The following CAPZA1 variants were observed in gnomAD, a reference collection of about 807,000 sequenced individuals.
CAPZA1 encodes capping actin protein of muscle Z-line subunit alpha 1.
Under a neutral mutation model 40.8 loss-of-function variants are expected in CAPZA1, and 10 were observed. That is an observed-to-expected ratio of 0.25 (90% confidence interval 0.15 to 0.42). The LOEUF (loss-of-function observed/expected upper bound fraction) is 0.42, where lower values mean the gene tolerates loss of function less well. Ranked by LOEUF, CAPZA1 falls within the 10% of genes least tolerant of loss-of-function variation. CAPZA1 has a pLI of 1.00. For synonymous variants in CAPZA1, 98 were observed against 115.0 expected (o/e 0.85, Z 0.95); for missense variants, 277 against 353.8 (o/e 0.78, Z 1.74).
At chr1:112,629,983 T>C (rs1360006221) in intron 1 of CAPZA1, among the ~76,000 whole-genome samples, 1 of 152,210 alleles carries the variant, frequency 6.6e-6, no homozygotes, top group African/African-American at 2.4e-5. Context: ...GTTCTGTGCC[T>C]TATGTTATCT....
chr1:112,639,735 G>T (rs550585328), intron 1 of CAPZA1, among the ~76,000 whole-genome samples: 6 of 152,184 alleles, frequency 3.9e-5, no homozygotes, highest in African/African-American at 1.4e-4. Context: ...ATGTTGACAT[G>T]CTCCTTTTTT....
chr1:112,660,280 C>CTGAT (rs974370504), intron 7 of CAPZA1, among the ~76,000 whole-genome samples: 5 of 151,604 alleles, frequency 3.3e-5, no homozygotes, highest in South Asian at 2.1e-4. Flanking sequence ...GATTGATTGA[C>CTGAT]TGATTGATTG....
Position 112,671,607 on chromosome 1 carries a change from T to C in CAPZA1, c.*1475T>C, listed in dbSNP as rs1475928107. The C allele has an allele frequency of 6.6e-6, 1 of 152,648 alleles. No homozygotes were observed. The highest frequency in any genetic ancestry group is 1.5e-5 in the Non-Finnish European group (1 of 68,036). The allele number at this position is 152,648 out of a possible 1,614,324, so 9.5% of individuals were successfully genotyped here. The stretch of plus-strand genomic sequence containing the variant: ...TAGTCTAATAGAAATATACCTGTTT[T>C]GTTCTAAAATTGTCTGAGTCTCTCC... On this transcript the variant is annotated 3_prime_UTR_variant, in exon 10 of 10. Coordinates refer to ENST00000263168, the MANE Select transcript of CAPZA1 (RefSeq NM_006135.3).
intron 1 of CAPZA1, among the ~76,000 whole-genome samples, chr1:112,635,771 C>T (rs541242120): frequency 1.2e-4 from 18 of 152,236 alleles, no homozygotes; most frequent in African/African-American, 4.1e-4. Context: ...GTGGCTCACG[C>T]CTGTAATCCC....
intron 5 of CAPZA1, among the ~76,000 whole-genome samples, chr1:112,657,435 A>G (rs950000192): frequency 1.3e-5 from 2 of 151,992 alleles, no homozygotes; most frequent in African/African-American, 4.8e-5. Flanking sequence ...TTTAGTCTCC[A>G]TTCTACAGAA....
At chr1:112,630,077 C>G (rs774362782) in intron 1 of CAPZA1, among the ~76,000 whole-genome samples, 2 of 152,114 alleles carry the variant, frequency 1.3e-5, no homozygotes, top group Non-Finnish European at 2.9e-5. Context: ...GGGTCTCACT[C>G]TGTCACCAAG....
chr1:112,633,771 A>T (rs1670965965), intron 1 of CAPZA1, among the ~76,000 whole-genome samples: 1 of 152,094 alleles, frequency 6.6e-6, no homozygotes. Flanking sequence ...TGTCTTTTTG[A>T]TAATAGCCAT....
chr1:112,656,196 A>T (rs1288683270), intron 5 of CAPZA1, among the ~76,000 whole-genome samples: 2 of 152,184 alleles, frequency 1.3e-5, no homozygotes, highest in Non-Finnish European at 2.9e-5. Flanking sequence ...TTGAAGCCTT[A>T]CTAACTGGTT....
At position 112,669,872 on chromosome 1, in the gene CAPZA1, A is replaced by G; in HGVS notation, c.721-120A>G. 4.6e-6 allele frequency: 5 copies of G among 1,096,184 alleles called. No homozygotes were observed. In the South Asian group the frequency reaches 5.9e-5, roughly 13 times the overall value. The allele number at this position is 1,096,184 out of a possible 1,614,324, so 67.9% of individuals were successfully genotyped here. On this transcript the variant is annotated intron_variant, in intron 9 of 9. Coordinates refer to ENST00000263168, the MANE Select transcript of CAPZA1 (RefSeq NM_006135.3). Reference sequence around the variant, plus strand: ...ATTGGAGAGGAGCTCATTGAAAATAATATATCCTGTCTATCCTTCACAGGG... The same window carrying G: ...ATTGGAGAGGAGCTCATTGAAAATAGTATATCCTGTCTATCCTTCACAGGG...
At chr1:112,640,437 G>A (rs1239492612) in intron 1 of CAPZA1, among the ~76,000 whole-genome samples, 1 of 131,892 alleles carries the variant, frequency 7.6e-6, no homozygotes, top group African/African-American at 2.9e-5. Context: ...CGCCCCTACT[G>A]GGAAGTGAGG....
At chr1:112,665,354 A>G (rs951810090) in intron 7 of CAPZA1, among the ~76,000 whole-genome samples, 1 of 151,192 alleles carries the variant, frequency 6.6e-6, no homozygotes. Flanking sequence ...TTTTTTTTGT[A>G]TTTTTAGTAG....
chr1:112,666,253 C>A (rs1184836708), intron 7 of CAPZA1, among the ~76,000 whole-genome samples: 1 of 152,186 alleles, frequency 6.6e-6, no homozygotes, highest in African/African-American at 2.4e-5. Flanking sequence ...AGTTATACTC[C>A]ATTCTGTTAT....
At chr1:112,656,034 T>A (rs1671493851) in intron 5 of CAPZA1, among the ~76,000 whole-genome samples, 2 of 152,238 alleles carry the variant, frequency 1.3e-5, no homozygotes. Flanking sequence ...GTATACATTG[T>A]GGAATGGCTA....
chr1:112,654,723 T>C, intron 5 of CAPZA1, 52 bp downstream of exon 5: 1 of 1,276,856 alleles, frequency 7.8e-7, no homozygotes, highest in Admixed American at 2.2e-5. Context: ...ATATTTACCT[T>C]ATCCTTTGGA....
At chr1:112,626,286 A>G (rs941356762) in intron 1 of CAPZA1, 16 of 152,144 alleles carry the variant, frequency 1.1e-4, no homozygotes, top group Non-Finnish European at 4.4e-5. Flanking sequence ...TATAGGAACT[A>G]TAATAACAGG....
chr1:112,659,729 T>C lies in CAPZA1; in HGVS notation c.535T>C (p.Phe179Leu). The change falls in exon 7 of 10, where the codon TTC (phenylalanine) becomes CTC (leucine). Residue 179 changes from phenylalanine (F) to leucine (L), a missense_variant. Coordinates refer to ENST00000263168, the MANE Select transcript of CAPZA1 (RefSeq NM_006135.3). Reference protein sequence around the residue: ...WNGRWRSEWKFTITPPTAQVV... With the variant: ...WNGRWRSEWKLTITPPTAQVV... Reference sequence around the variant, plus strand: ...TGGTCGTTGGAGATCAGAGTGGAAGTTCACCATCACACCACCTACAGCCCA... The same window carrying C: ...TGGTCGTTGGAGATCAGAGTGGAAGCTCACCATCACACCACCTACAGCCCA... The C allele has an allele frequency of 6.8e-6, 11 of 1,613,680 alleles. No homozygotes were observed. Among genetic ancestry groups the C allele is most frequent in the Non-Finnish European group, 8.5e-6 (10 of 1,179,940 alleles).
chr1:112,649,433 TTAA>T lies in CAPZA1; in HGVS notation c.124_126del (p.Asn42del). 6.2e-7 allele frequency: 1 copy of T among 1,613,064 alleles called. No individual in the cohort carries two copies. Among genetic ancestry groups the T allele is most frequent in the South Asian group, 1.1e-5 (1 of 91,030 alleles). On this transcript the variant is annotated inframe_deletion, in exon 3 of 10. Transcript: ENST00000263168. ...TCCTCCTCAGACGTTCGGCTACTAC[TTAA>T]TAATGACAATCTCCTCAGGGAAGGG...
intron 1 of CAPZA1, among the ~76,000 whole-genome samples, chr1:112,642,967 A>G (rs967589266): frequency 6.6e-6 from 1 of 152,152 alleles, no homozygotes; most frequent in Non-Finnish European, 1.5e-5. Flanking sequence ...GAATATGTAT[A>G]TACTTATTTT....
chr1:112,622,144 G>GT (rs1322123305), intron 1 of CAPZA1, among the ~76,000 whole-genome samples: 4 of 151,814 alleles, frequency 2.6e-5, no homozygotes, highest in Non-Finnish European at 4.4e-5. Flanking sequence ...TTTTAATATT[G>GT]TTTTTTATCT....
Sources: allele counts gnomAD v4.1 joint callset (sites outside exome capture counted in the v4.1 genomes callset), GRCh38; gene constraint gnomAD v4.1.1; transcripts MANE v1.5; gene names NCBI Gene and HGNC (gene_info 2026-07-23, HGNC 2026-07-21).